The following SYNPR variants were observed in gnomAD, a reference collection of about 807,000 sequenced individuals.
SYNPR encodes the protein synaptoporin.
SYNPR carries 23 observed loss-of-function variants against 32.9 expected under a neutral mutation model. The observed-to-expected ratio is 0.70, with a 90% CI of 0.50 to 0.99. The LOEUF (loss-of-function observed/expected upper bound fraction) is 0.99. Ranked by LOEUF, SYNPR falls within the 50% of genes least tolerant of loss-of-function variation. The pLI is 0.00. For synonymous variants in SYNPR, 146 were observed against 135.9 expected, an observed-to-expected ratio of 1.07 and a Z score of -0.52; for missense variants, 318 against 349.3, an observed-to-expected ratio of 0.91 and a Z score of 0.71.
intron 4 of SYNPR, among the ~76,000 whole-genome samples, chr3:63,586,336 A>T (rs1414635885): frequency 1.3e-5 from 2 of 151,996 alleles, no homozygotes; most frequent in Non-Finnish European, 2.9e-5. Flanking sequence ...TCCTTCCCCC[A>T]AACAGAAAAT....
intron 2 of SYNPR, among the ~76,000 whole-genome samples, chr3:63,476,967 G>A (rs149919381): frequency 1.3e-5 from 2 of 152,256 alleles, no homozygotes; most frequent in African/African-American, 4.8e-5. Flanking sequence ...AACATCCAAT[G>A]ATTGAAGCAT....
chr3:63,607,613 C>T (rs1013925022), intron 4 of SYNPR, among the ~76,000 whole-genome samples: 7 of 152,084 alleles, frequency 4.6e-5, no homozygotes, highest in Admixed American at 2.6e-4. Context: ...ATACCCATGC[C>T]ATCAAAACCC....
chr3:63,611,482 G>A (rs1700196909), intron 5 of SYNPR, among the ~76,000 whole-genome samples: 1 of 152,136 alleles, frequency 6.6e-6, no homozygotes, highest in South Asian at 2.1e-4. Flanking sequence ...ATCATACTGA[G>A]CTAGCTTATG....
intron 2 of SYNPR, among the ~76,000 whole-genome samples, chr3:63,318,458 C>T (rs756243376): frequency 6.6e-6 from 1 of 151,768 alleles, no homozygotes; most frequent in Non-Finnish European, 1.5e-5. Flanking sequence ...TTTTCTTATT[C>T]TTTTTTCTTT....
At chr3:63,578,163 G>C (rs1409831793) in intron 4 of SYNPR, among the ~76,000 whole-genome samples, 1 of 152,188 alleles carries the variant, frequency 6.6e-6, no homozygotes, top group African/African-American at 2.4e-5. Context: ...ACCACCTCCT[G>C]TCTTCCCTTG....
chr3:63,313,073 C>G (rs2086984898), intron 2 of SYNPR, among the ~76,000 whole-genome samples: 1 of 151,978 alleles, frequency 6.6e-6, no homozygotes, highest in Non-Finnish European at 1.5e-5. Context: ...GGCAGAAACT[C>G]TATTTCAATC....
chr3:63,321,651 T>C (rs769584698), intron 2 of SYNPR, among the ~76,000 whole-genome samples: 1 of 152,084 alleles, frequency 6.6e-6, no homozygotes, highest in Non-Finnish European at 1.5e-5. Flanking sequence ...AGCAGGTGCT[T>C]ATTATTCAAT....
At chr3:63,335,642 C>T (rs1286984228) in intron 2 of SYNPR, among the ~76,000 whole-genome samples, 2 of 152,102 alleles carry the variant, frequency 1.3e-5, no homozygotes, top group South Asian at 2.1e-4. Context: ...TACAATACTC[C>T]CTTGTTCCTC....
At chr3:63,478,999 C>A (rs1252787157) in intron 2 of SYNPR, among the ~76,000 whole-genome samples, 3 of 152,148 alleles carry the variant, frequency 2.0e-5, no homozygotes, top group Non-Finnish European at 2.9e-5. Context: ...GAGGAGTAAG[C>A]AAGTCCACAC....
chr3:63,408,178 GAA>G (rs1560220758), intron 2 of SYNPR, among the ~76,000 whole-genome samples: 8 of 113,624 alleles, frequency 7.0e-5, no homozygotes, highest in Admixed American at 2.9e-4. Flanking sequence ...AAGAAAGAAA[GAA>G]AGAAAGAAAG....
At chr3:63,486,204 TAGCCAC>T (rs1701146622) in intron 3 of SYNPR, among the ~76,000 whole-genome samples, 1 of 152,182 alleles carries the variant, frequency 6.6e-6, no homozygotes, top group Non-Finnish European at 1.5e-5. Context: ...CCACCATGCC[TAGCCAC>T]AAGTCCCTAT....
intron 4 of SYNPR, among the ~76,000 whole-genome samples, chr3:63,565,569 T>C (rs1166158433): frequency 6.6e-6 from 1 of 152,184 alleles, no homozygotes; most frequent in Non-Finnish European, 1.5e-5. Flanking sequence ...TCTAATGACC[T>C]CTTAAGTGCC....
At chr3:63,523,973 G>GCATTTCCCACACATTAATC (rs1454121978) in intron 3 of SYNPR, among the ~76,000 whole-genome samples, 1 of 152,016 alleles carries the variant, frequency 6.6e-6, no homozygotes, top group African/African-American at 2.4e-5. Flanking sequence ...TTAGTAGACT[G>GCATTTCCCACACATTAATC]CATTTCCCAC....
chr3:63,304,910 C>A (rs1370052813), intron 2 of SYNPR, among the ~76,000 whole-genome samples: 2 of 151,964 alleles, frequency 1.3e-5, no homozygotes, highest in Non-Finnish European at 2.9e-5. Context: ...TCAAACAGAT[C>A]TTGATTTCAG....
intron 2 of SYNPR, among the ~76,000 whole-genome samples, chr3:63,434,325 C>T (rs567196165): frequency 1.6e-4 from 25 of 152,310 alleles, no homozygotes; most frequent in Non-Finnish European, 3.2e-4. Flanking sequence ...GTACATTTCA[C>T]TTGTGTCATT....
chr3:63,414,848 T>C (rs543560040), intron 2 of SYNPR, among the ~76,000 whole-genome samples: 1 of 152,324 alleles, frequency 6.6e-6, no homozygotes, highest in East Asian at 1.9e-4. Context: ...TCTCCTTATA[T>C]ACATATGTAT....
chr3:63,460,371 C>T (rs1356210851), intron 2 of SYNPR, among the ~76,000 whole-genome samples: 1 of 151,900 alleles, frequency 6.6e-6, no homozygotes, highest in Non-Finnish European at 1.5e-5. Flanking sequence ...CCCTGACTGC[C>T]CTTCATTCAT....
intron 3 of SYNPR, among the ~76,000 whole-genome samples, chr3:63,534,864 C>T (rs985551413): frequency 1.3e-5 from 2 of 152,118 alleles, no homozygotes; most frequent in African/African-American, 4.8e-5. Flanking sequence ...CTCATCCCCT[C>T]TCTCCCCAGG....
intron 3 of SYNPR, among the ~76,000 whole-genome samples, chr3:63,485,606 A>G (rs1701132704): frequency 6.6e-6 from 1 of 152,138 alleles, no homozygotes. Flanking sequence ...CAAATTTTGA[A>G]GGACCCTAAT....
Sources: allele counts gnomAD v4.1 joint callset (sites outside exome capture counted in the v4.1 genomes callset), GRCh38; gene constraint gnomAD v4.1.1; transcripts MANE v1.5; gene names NCBI Gene and HGNC (gene_info 2026-07-23, HGNC 2026-07-21).